ARID5B: variants seen among roughly 807,000 people sequenced by gnomAD.
ARID5B encodes AT-rich interaction domain 5B.
Under a neutral mutation model 97.2 loss-of-function variants are expected in ARID5B, and 13 were observed. That is an observed-to-expected ratio of 0.13 (90% CI 0.09 to 0.21). The LOEUF (loss-of-function observed/expected upper bound fraction) is 0.21. ARID5B is among the 10% of genes least tolerant of loss of function. The pLI is 1.00. For missense variants in ARID5B, 1,210 were observed against 1,465.3 expected, an observed-to-expected ratio of 0.83 and a Z score of 2.84; for synonymous variants, 556 against 570.3, an observed-to-expected ratio of 0.97 and a Z score of 0.36.
intron 3 of ARID5B, among the ~76,000 whole-genome samples, chr10:61,953,791 G>A: frequency 6.6e-6 from 1 of 152,094 alleles, no homozygotes; most frequent in Non-Finnish European, 1.5e-5. Context: ...CATCTATAGG[G>A]GTACCCAACA....
intron 8 of ARID5B, among the ~76,000 whole-genome samples, chr10:62,079,802 A>C (rs1840187184): frequency 6.6e-6 from 1 of 152,226 alleles, no homozygotes; most frequent in African/African-American, 2.4e-5. Flanking sequence ...TAAAGCCTTC[A>C]AAAAGTTTTC....
At chr10:61,918,014 G>A (rs1390260406) in intron 2 of ARID5B, among the ~76,000 whole-genome samples, 1 of 152,130 alleles carries the variant, frequency 6.6e-6, no homozygotes, top group Non-Finnish European at 1.5e-5. Flanking sequence ...ATCCTAGGCA[G>A]AAGCAAAGCC....
intron 3 of ARID5B, among the ~76,000 whole-genome samples, chr10:61,948,680 A>G (rs540819097): frequency 6.6e-6 from 1 of 152,050 alleles, no homozygotes; most frequent in East Asian, 1.9e-4. Context: ...TGATTTTTTT[A>G]TACCATTTAA....
At chr10:62,043,813 AGAGT>A (rs1447623828) in intron 4 of ARID5B, among the ~76,000 whole-genome samples, 3 of 152,230 alleles carry the variant, frequency 2.0e-5, no homozygotes, top group Non-Finnish European at 2.9e-5. Context: ...AGTATGAAAC[AGAGT>A]GAGTAAGACT....
chr10:62,000,398 T>G lies in ARID5B; in HGVS notation c.733+77T>G. 7.4e-7 allele frequency: 1 copy of G among 1,354,578 alleles called. No homozygotes were observed. Among genetic ancestry groups the G allele is most frequent in the Non-Finnish European group, 1.0e-6 (1 of 990,698 alleles). 83.9% of individuals were successfully genotyped at this position (1,354,578 alleles called of 1,614,324 possible). ...TGTTTTCAGTTCTTCTGAAGAGCGG[T>G]GATGGGGAACGGGGCTCACTTTCAC... On this transcript the variant is annotated intron_variant, in intron 4 of 9. Transcript: ENST00000279873. This position sits in a 1 kb window ranked among gnomAD's most constrained non-coding sequence, Gnocchi z 4.4.
intron 5 of ARID5B, among the ~76,000 whole-genome samples, chr10:62,052,331 A>T (rs1456442600): frequency 6.6e-6 from 1 of 152,200 alleles, no homozygotes; most frequent in Non-Finnish European, 1.5e-5. Context: ...GTCTTGAAGG[A>T]TGTCAGCAGG....
intron 5 of ARID5B, 38 bp downstream of exon 5, chr10:62,051,038 T>A (rs796285738): frequency 6.4e-7 from 1 of 1,555,316 alleles, no homozygotes; most frequent in Non-Finnish European, 8.9e-7. Flanking sequence ...TTTCGTTGCA[T>A]CTTTTTATTT....
chr10:62,021,980 C>T (rs116541656), intron 4 of ARID5B, among the ~76,000 whole-genome samples: 21 of 152,200 alleles, frequency 1.4e-4, no homozygotes, highest in African/African-American at 4.8e-4. Context: ...AATGTAATAC[C>T]GAATATCACA....
chr10:62,037,764 A>G (rs1201076404), intron 4 of ARID5B, among the ~76,000 whole-genome samples: 3 of 152,236 alleles, frequency 2.0e-5, no homozygotes, highest in African/African-American at 7.2e-5. Context: ...TACAAAGAAG[A>G]ACAAGAGTTG....
intron 5 of ARID5B, among the ~76,000 whole-genome samples, chr10:62,052,286 C>T (rs1253706328): frequency 6.6e-6 from 1 of 152,194 alleles, no homozygotes; most frequent in Non-Finnish European, 1.5e-5. Context: ...ACACCTCAGC[C>T]CTAGAACTAT....
In ARID5B at chr10:62,093,651, C is replaced by CTTT. The variant is rs57902062; in HGVS notation, c.*646_*648dup. On this transcript the variant is annotated 3_prime_UTR_variant, in exon 10 of 10. Transcript: ENST00000279873. ...CCATTTTCTCCCAGTTCCTTCTCGTCTTTTTTTTTTTTTTTTTTTTTTTTT... is the reference window on the plus strand; with the variant it reads ...CCATTTTCTCCCAGTTCCTTCTCGTCTTTTTTTTTTTTTTTTTTTTTTTTTTTT... The CTTT allele has an allele frequency of 1.9e-3, 161 of 86,938 alleles. 4 individuals are homozygous for CTTT. Among genetic ancestry groups the CTTT allele is most frequent in the African/African-American group, 6.5e-3 (82 of 12,576 alleles). The allele number at this position is 86,938 out of a possible 1,614,324, so 5.4% of individuals were successfully genotyped here. A position where few individuals can be genotyped will look rare whatever the true frequency, so the allele number is the denominator to read the frequency against.
intron 2 of ARID5B, among the ~76,000 whole-genome samples, chr10:61,914,060 C>A (rs1487442449): frequency 6.6e-6 from 1 of 152,190 alleles, no homozygotes; most frequent in Non-Finnish European, 1.5e-5. Context: ...CCTGGAATGA[C>A]AGGATACTTA....
At chr10:61,908,855 T>C (rs1476427102) in intron 2 of ARID5B, among the ~76,000 whole-genome samples, 1 of 145,980 alleles carries the variant, frequency 6.9e-6, no homozygotes, top group Non-Finnish European at 1.5e-5. Context: ...CCTCAAGGAG[T>C]TCCCAAACTG....
intron 2 of ARID5B, among the ~76,000 whole-genome samples, chr10:61,935,219 G>A (rs1844278591): frequency 1.3e-5 from 2 of 152,122 alleles, no homozygotes; most frequent in African/African-American, 2.4e-5. Context: ...GTGAAGTGCA[G>A]TAAAGTGAAG....
rs892930450 is a variant in ARID5B, at chr10:62,095,365, G to A, written c.*2335G>A. 1.3e-5 allele frequency: 3 copies of A among 231,930 alleles called. No homozygotes were observed. The highest frequency in any genetic ancestry group is 2.2e-5 in the African/African-American group (1 of 45,160). 14.4% of individuals were successfully genotyped at this position (231,930 alleles called of 1,614,324 possible). Reference sequence around the variant, plus strand: ...GGTCATATGTGGTTTCTATGAGTTCGTGTCTCAAAAAAAAAAGGAGGGGGG... The same window carrying A: ...GGTCATATGTGGTTTCTATGAGTTCATGTCTCAAAAAAAAAAGGAGGGGGG... On this transcript the variant is annotated 3_prime_UTR_variant, in exon 10 of 10. Coordinates refer to ENST00000279873, the MANE Select transcript of ARID5B (RefSeq NM_032199.3).
intron 2 of ARID5B, among the ~76,000 whole-genome samples, chr10:61,933,119 C>T (rs1361465495): frequency 1.3e-5 from 2 of 152,226 alleles, no homozygotes; most frequent in African/African-American, 2.4e-5. Flanking sequence ...ACAGCATCTT[C>T]ACCAACAGTA....
At chr10:62,086,690 C>CAA (rs747189859) in intron 9 of ARID5B, among the ~76,000 whole-genome samples, 7 of 23,786 alleles carry the variant, frequency 2.9e-4, no homozygotes, top group Admixed American at 1.2e-3. Context: ...GACTCCATCT[C>CAA]AAAAAAAAAA....
At chr10:62,031,779 T>G (rs1459417939) in intron 4 of ARID5B, among the ~76,000 whole-genome samples, 3 of 152,170 alleles carry the variant, frequency 2.0e-5, no homozygotes, top group African/African-American at 7.2e-5. Context: ...GTCTTCACTG[T>G]GTTGTAGGAA....
chr10:62,019,527 C>G (rs1030060841), intron 4 of ARID5B, among the ~76,000 whole-genome samples: 2 of 152,150 alleles, frequency 1.3e-5, no homozygotes, highest in African/African-American at 4.8e-5. Flanking sequence ...TTGCTTCTGG[C>G]TAGTTCTTAA....
Sources: allele counts gnomAD v4.1 joint callset (sites outside exome capture counted in the v4.1 genomes callset), GRCh38; gene constraint gnomAD v4.1.1; non-coding constraint Gnocchi (gnomAD v3.1); transcripts MANE v1.5; gene names NCBI Gene and HGNC (gene_info 2026-07-23, HGNC 2026-07-21).